PCDHGA6: variants seen among roughly 807,000 people sequenced by gnomAD.
PCDHGA6 encodes protocadherin gamma-A6.
PCDHGA6 carries 41 observed loss-of-function variants against 60.6 expected under a neutral mutation model. That is an observed-to-expected ratio of 0.68 (90% CI 0.53 to 0.88). The LOEUF is 0.88. Ranked by LOEUF, PCDHGA6 falls within the 40% of genes least tolerant of loss-of-function variation. The pLI is 0.00. For synonymous variants in PCDHGA6, 594 were observed against 524.4 expected, an observed-to-expected ratio of 1.13 and a Z score of -1.81; for missense variants, 1,312 against 1,203.0, an observed-to-expected ratio of 1.09 and a Z score of -1.34.
intron 1 of PCDHGA6, chr5:141,414,659 T>A (rs566999623): frequency 6.2e-7 from 1 of 1,614,010 alleles, no homozygotes; most frequent in South Asian, 1.1e-5. Flanking sequence ...ATTTACTCCC[T>A]GGCTGAAGAC....
chr5:141,468,903 C>T (rs1265804352), intron 1 of PCDHGA6, among the ~76,000 whole-genome samples: 1 of 151,614 alleles, frequency 6.6e-6, no homozygotes, highest in Non-Finnish European at 1.5e-5. Context: ...CTAATATGAT[C>T]CAGACTAGAA....
chr5:141,394,653 C>T lies in PCDHGA6; in HGVS notation c.2424+18146C>T, dbSNP rs545273127. On this transcript the variant is annotated intron_variant, in intron 1 of 3. Coordinates refer to ENST00000517434, the MANE Select transcript of PCDHGA6 (RefSeq NM_018919.3). ...CTACCGCCTGCTCAAGGCCAGCGAG[C>T]CGGGACTCTTCTCGGTGGGTCTGCA... The T allele has an allele frequency of 9.9e-6, 16 of 1,613,348 alleles. No homozygotes were observed. The East Asian group carries it at 3.1e-4, about 31-fold the overall frequency.
Position 141,490,066 on chromosome 5 carries a change from C to G in PCDHGA6, c.2425-4741C>G. ...TGATCCAGACGAGGGCACCAACGGC[C>G]AACTAGACTATTCTTTTGGAGACCA... On this transcript the variant is annotated intron_variant, in intron 1 of 3. Coordinates refer to ENST00000517434, the MANE Select transcript of PCDHGA6 (RefSeq NM_018919.3). The surrounding 1 kb of genome is among the most constrained non-coding windows in gnomAD (Gnocchi z 5.4). The G allele has an allele frequency of 1.2e-6, 2 of 1,614,248 alleles. No individual in the cohort carries two copies. Among genetic ancestry groups the G allele is most frequent in the Non-Finnish European group, 1.7e-6 (2 of 1,180,034 alleles).
chr5:141,410,549 G>T, intron 1 of PCDHGA6: 1 of 1,613,438 alleles, frequency 6.2e-7, no homozygotes, highest in East Asian at 2.2e-5. Context: ...GGTTTGCAGT[G>T]TTTCTCCTGG....
chr5:141,423,525 G>A (rs1014975146), intron 1 of PCDHGA6: 8 of 1,613,710 alleles, frequency 5.0e-6, no homozygotes, highest in African/African-American at 2.7e-5. Context: ...ACTCGCAGAA[G>A]AGTCACCTGA....
At chr5:141,400,036 C>G (rs1232257433) in intron 1 of PCDHGA6, 28 of 1,613,256 alleles carry the variant, frequency 1.7e-5, no homozygotes, top group Non-Finnish European at 2.4e-5. Context: ...GGCCCGCCAG[C>G]GCCTGCTGGT....
Position 141,377,206 on chromosome 5 carries a change from C to T in PCDHGA6, c.2424+699C>T, listed in dbSNP as rs192772101. The T allele has an allele frequency of 1.8e-4, 28 of 152,284 alleles. No individual in the cohort carries two copies. In the East Asian group the frequency reaches 2.5e-3, roughly 14 times the overall value. 9.4% of individuals were successfully genotyped at this position (152,284 alleles called of 1,614,324 possible). ...AACTATTTGTGTCTTGGATTGAGTA[C>T]ATCTCGTTTCTTAGGTTTTTTCCTA... On this transcript the variant is annotated intron_variant, in intron 1 of 3. Coordinates refer to ENST00000517434, the MANE Select transcript of PCDHGA6 (RefSeq NM_018919.3).
At chr5:141,464,861 C>G (rs1178430383) in intron 1 of PCDHGA6, among the ~76,000 whole-genome samples, 1 of 152,134 alleles carries the variant, frequency 6.6e-6, no homozygotes, top group Non-Finnish European at 1.5e-5. Flanking sequence ...ACCTTAGCCT[C>G]CCAAGTAGCT....
Position 141,415,089 on chromosome 5 carries a change from C to T in PCDHGA6, c.2424+38582C>T, listed in dbSNP as rs1159857230. 1.9e-6 allele frequency: 3 copies of T among 1,613,556 alleles called. No individual in the cohort carries two copies. In the South Asian group the frequency reaches 3.3e-5, roughly 18 times the overall value. The stretch of plus-strand genomic sequence containing the variant: ...TGCGCACGGCGCGAGCCCTGCTGGA[C>T]AGAGACGCGCTCAAGCAAAGCCTCG... On this transcript the variant is annotated intron_variant, in intron 1 of 3. Coordinates refer to ENST00000517434, the MANE Select transcript of PCDHGA6 (RefSeq NM_018919.3).
chr5:141,404,290 T>C (rs2094507318), intron 1 of PCDHGA6: 1 of 1,613,984 alleles, frequency 6.2e-7, no homozygotes, highest in South Asian at 1.1e-5. Context: ...CTGACATCAA[T>C]GATAATCCAC....
At chr5:141,439,524 A>T (rs774174912) in intron 1 of PCDHGA6, among the ~76,000 whole-genome samples, 2 of 152,114 alleles carry the variant, frequency 1.3e-5, no homozygotes, top group Admixed American at 6.5e-5. Flanking sequence ...AACTAACTCT[A>T]CAGAACGCTG....
At chr5:141,379,885 G>A (rs1386862862) in intron 1 of PCDHGA6, among the ~76,000 whole-genome samples, 2 of 89,210 alleles carry the variant, frequency 2.2e-5, no homozygotes, top group African/African-American at 8.6e-5. Context: ...GTCTGTGAAA[G>A]CCTCTTTTTT....
intron 1 of PCDHGA6, among the ~76,000 whole-genome samples, chr5:141,437,490 A>C (rs549866784): frequency 6.6e-6 from 1 of 152,190 alleles, no homozygotes; most frequent in African/African-American, 2.4e-5. Flanking sequence ...AATCTCGTAG[A>C]TCACTTTTCA....
chr5:141,384,092 T>C, intron 1 of PCDHGA6: 1 of 1,596,242 alleles, frequency 6.3e-7, no homozygotes. Flanking sequence ...GAAAAATCAA[T>C]AGATAATTAT....
At chr5:141,414,678 G>A (rs1276367800) in intron 1 of PCDHGA6, 14 of 1,613,856 alleles carry the variant, frequency 8.7e-6, no homozygotes, top group African/African-American at 1.3e-5. Context: ...ACACCATCCA[G>A]GGGGTACCTC....
chr5:141,452,494 T>C (rs1186924396), intron 1 of PCDHGA6, among the ~76,000 whole-genome samples: 2 of 152,192 alleles, frequency 1.3e-5, no homozygotes, highest in African/African-American at 4.8e-5. Flanking sequence ...CACACCCATA[T>C]TTATATTTGT....
At chr5:141,381,635 G>A (rs528841837) in intron 1 of PCDHGA6, among the ~76,000 whole-genome samples, 1 of 152,276 alleles carries the variant, frequency 6.6e-6, no homozygotes, top group Non-Finnish European at 1.5e-5. Context: ...GCAGATTTCT[G>A]CCTTCTGTAG....
At chr5:141,427,067 G>A (rs1170378664) in intron 1 of PCDHGA6, 1 of 457,930 alleles carries the variant, frequency 2.2e-6, no homozygotes, top group Non-Finnish European at 4.4e-6. Context: ...CTGTACTAAA[G>A]GTGACAGCCA....
intron 1 of PCDHGA6, among the ~76,000 whole-genome samples, chr5:141,455,204 T>G (rs1173402170): frequency 6.6e-6 from 1 of 152,052 alleles, no homozygotes; most frequent in Admixed American, 6.6e-5. Context: ...TTACAACCAA[T>G]AAGAGTTTTT....
Sources: allele counts gnomAD v4.1 joint callset (sites outside exome capture counted in the v4.1 genomes callset), GRCh38; gene constraint gnomAD v4.1.1; non-coding constraint Gnocchi (gnomAD v3.1); transcripts MANE v1.5; gene names NCBI Gene and HGNC (gene_info 2026-07-23, HGNC 2026-07-21).